Variants in FGF14 observed in about 807,000 individuals in gnomAD.
FGF14 encodes the protein fibroblast growth factor homologous factor 4.
Under a neutral mutation model 25.5 loss-of-function variants are expected in FGF14, and 5 were observed. The ratio of observed to expected loss-of-function variants is 0.20; its 90% confidence interval spans 0.10 to 0.41. The LOEUF (loss-of-function observed/expected upper bound fraction) is 0.41. FGF14 is among the 10% of genes least tolerant of loss of function. The pLI, the probability that FGF14 is intolerant of heterozygous loss-of-function variation, is 1.00. For synonymous variants in FGF14, 138 were observed against 118.3 expected (o/e 1.17, Z -1.08); for missense variants, 222 against 320.1 (o/e 0.69, Z 2.34).
At chr13:101,766,312 CT>C (rs1010055976) in intron 3 of FGF14, among the ~76,000 whole-genome samples, 2 of 152,142 alleles carry the variant, frequency 1.3e-5, no homozygotes, top group Non-Finnish European at 2.9e-5. Flanking sequence ...CTTTTTCTTC[CT>C]CTCTTCCTTT....
chr13:102,064,977 T>A (rs1471589550), intron 1 of FGF14, among the ~76,000 whole-genome samples: 3 of 152,006 alleles, frequency 2.0e-5, no homozygotes, highest in Non-Finnish European at 4.4e-5. Flanking sequence ...GAAAATTGAA[T>A]GCTAATCATT....
At chr13:101,888,428 A>G (rs1421176627) in intron 1 of FGF14, among the ~76,000 whole-genome samples, 1 of 152,200 alleles carries the variant, frequency 6.6e-6, no homozygotes, top group Non-Finnish European at 1.5e-5. Context: ...ATATACATAC[A>G]CATAAATATA....
chr13:101,849,709 T>C (rs1301133168), intron 3 of FGF14, among the ~76,000 whole-genome samples: 1 of 152,084 alleles, frequency 6.6e-6, no homozygotes, highest in Non-Finnish European at 1.5e-5. Context: ...TTTAGGTGTA[T>C]TTTGGCCAAG....
chr13:101,761,642 G>A (rs943250132), intron 3 of FGF14, among the ~76,000 whole-genome samples: 17 of 152,132 alleles, frequency 1.1e-4, no homozygotes, highest in African/African-American at 4.1e-4. Context: ...TTCCCTACAC[G>A]AAGAAATAAT....
At chr13:101,875,682 A>G (rs934653953) in intron 1 of FGF14, among the ~76,000 whole-genome samples, 1 of 152,126 alleles carries the variant, frequency 6.6e-6, no homozygotes, top group Admixed American at 6.6e-5. Context: ...AATTTTATTA[A>G]AAGGTTTTTT....
At chr13:102,193,625 C>G (rs589987) in intron 1 of FGF14, among the ~76,000 whole-genome samples, 127,411 of 152,132 alleles carry the variant, frequency 0.84, 53,929 homozygotes, top group African/African-American at 0.95. Flanking sequence ...GAGAGTTGCT[C>G]GTTCAAGATA....
intron 1 of FGF14, among the ~76,000 whole-genome samples, chr13:102,137,605 A>G (rs2046467288): frequency 6.6e-6 from 1 of 152,164 alleles, no homozygotes; most frequent in Admixed American, 6.5e-5. Context: ...GGTGAAACAT[A>G]CATCCTAGTT....
intron 1 of FGF14, among the ~76,000 whole-genome samples, chr13:102,004,813 A>T (rs772025105): frequency 3.9e-5 from 6 of 152,126 alleles, no homozygotes; most frequent in Admixed American, 1.3e-4. Context: ...TTCTCACAAT[A>T]TCTGATGGTT....
At chr13:102,004,701 G>A (rs1038739363) in intron 1 of FGF14, among the ~76,000 whole-genome samples, 1 of 152,130 alleles carries the variant, frequency 6.6e-6, no homozygotes, top group Non-Finnish European at 1.5e-5. Flanking sequence ...ATCCCATTTT[G>A]AATCCCATAA....
intron 3 of FGF14, among the ~76,000 whole-genome samples, chr13:101,806,692 T>C (rs1285316329): frequency 2.0e-5 from 3 of 152,136 alleles, no homozygotes; most frequent in Non-Finnish European, 4.4e-5. Flanking sequence ...TATAGTATCC[T>C]GAAAATGTTA....
chr13:101,933,446 G>A lies in FGF14; in HGVS notation c.209-58150C>T, dbSNP rs548418872. Among the ~76,000 whole-genome samples the A allele has an allele frequency of 8.5e-4, 129 of 152,214 alleles. 1 individual carries two copies. The highest frequency in any genetic ancestry group is 1.5e-3 in the Non-Finnish European group (104 of 68,012). ...GTTATTAATAATGTATTGGTAGTCC[G>A]GGCATGGTGGTTCATGCCTGTAATT... is the stretch of plus-strand genomic sequence containing the variant. On this transcript the variant is annotated intron_variant, in intron 1 of 4. Coordinates refer to the FGF14 transcript ENST00000376131.
intron 3 of FGF14, among the ~76,000 whole-genome samples, chr13:101,861,467 G>T (rs1456590977): frequency 6.6e-6 from 1 of 152,080 alleles, no homozygotes; most frequent in African/African-American, 2.4e-5. Flanking sequence ...CAACCATGAA[G>T]TTCTTTCCAC....
At chr13:101,933,028 C>T (rs115246159) in intron 1 of FGF14, among the ~76,000 whole-genome samples, 340 of 152,214 alleles carry the variant, frequency 2.2e-3, no homozygotes, top group African/African-American at 7.8e-3. Flanking sequence ...CTATTTTTGT[C>T]ATAATTTTTC....
chr13:102,127,272 C>T (rs666639), intron 1 of FGF14, among the ~76,000 whole-genome samples: 10,888 of 152,134 alleles, frequency 0.072, 1,332 homozygotes, highest in African/African-American at 0.25. Flanking sequence ...TGGAATAATG[C>T]ATTTGTACTA....
intron 4 of FGF14, among the ~76,000 whole-genome samples, chr13:101,724,544 C>A (rs997145830): frequency 6.7e-6 from 1 of 148,466 alleles, no homozygotes; most frequent in Admixed American, 6.8e-5. Flanking sequence ...ATACATATGT[C>A]ACAAACCTGC....
intron 1 of FGF14, among the ~76,000 whole-genome samples, chr13:102,317,214 T>C (rs559579315): frequency 6.6e-6 from 1 of 152,314 alleles, no homozygotes; most frequent in South Asian, 2.1e-4. Flanking sequence ...AATAAGAGTA[T>C]AAAGGTTCTG....
chr13:101,973,749 C>A (rs892472892), intron 1 of FGF14, among the ~76,000 whole-genome samples: 2 of 152,192 alleles, frequency 1.3e-5, no homozygotes, highest in African/African-American at 2.4e-5. Flanking sequence ...AAGGGTGGGT[C>A]TGCCTTTCCC....
chr13:101,923,623 A>G (rs961706212), intron 1 of FGF14, among the ~76,000 whole-genome samples: 2 of 152,096 alleles, frequency 1.3e-5, no homozygotes, highest in Non-Finnish European at 1.5e-5. Context: ...TTTTAGAATC[A>G]AAGGTTGATC....
intron 1 of FGF14, among the ~76,000 whole-genome samples, chr13:102,167,312 C>CAAAA (rs10689114): frequency 0.021 from 1,491 of 72,456 alleles, 67 homozygotes; most frequent in African/African-American, 0.074. Flanking sequence ...CACTCCATCT[C>CAAAA]AAAAAAAAAA....
Sources: allele counts gnomAD v4.1 joint callset (sites outside exome capture counted in the v4.1 genomes callset), GRCh38; gene constraint gnomAD v4.1.1; transcripts MANE v1.5; gene names NCBI Gene and HGNC (gene_info 2026-07-23, HGNC 2026-07-21).